The following CCDC7 variants were observed in gnomAD, a reference collection of about 807,000 sequenced individuals.
The protein encoded by CCDC7 is coiled-coil domain-containing protein 7.
CCDC7 carries 183 observed loss-of-function variants against 196.9 expected under a neutral mutation model. The ratio of observed to expected loss-of-function variants is 0.93; its 90% CI spans 0.82 to 1.05. The LOEUF (loss-of-function observed/expected upper bound fraction) is 1.05, where lower values mean the gene tolerates loss of function less well. CCDC7 is among the 50% of genes least tolerant of loss of function. The probability of loss-of-function intolerance (pLI) is 0.00; values close to 1 mark genes in which losing one functional copy is unlikely to be tolerated. For synonymous variants in CCDC7, 525 were observed against 484.6 expected (o/e 1.08, Z -1.10); for missense variants, 1,540 against 1,482.2 (o/e 1.04, Z -0.64).
chr10:32,716,657 C>T (rs2081626462), intron 25 of CCDC7, among the ~76,000 whole-genome samples: 1 of 152,150 alleles, frequency 6.6e-6, no homozygotes. Context: ...AGATCCAATT[C>T]ATATGCAGAG....
intron 20 of CCDC7, among the ~76,000 whole-genome samples, chr10:32,651,001 TG>T (rs971961220): frequency 2.0e-5 from 3 of 152,086 alleles, no homozygotes; most frequent in African/African-American, 7.2e-5. Context: ...TTCTCCTTGG[TG>T]GGTTCAGAGC....
At chr10:32,665,521 G>T (rs989243884) in intron 21 of CCDC7, among the ~76,000 whole-genome samples, 1 of 151,902 alleles carries the variant, frequency 6.6e-6, no homozygotes, top group African/African-American at 2.4e-5. Flanking sequence ...TTATTCTTCT[G>T]CATGTGGATA....
chr10:32,859,782 C>T (rs957800599), intron 41 of CCDC7, among the ~76,000 whole-genome samples: 16 of 152,188 alleles, frequency 1.1e-4, no homozygotes, highest in East Asian at 1.9e-4. Flanking sequence ...ATACTATAAA[C>T]GCCTCTACGC....
chr10:32,663,136 C>T (rs1013540423), intron 20 of CCDC7, among the ~76,000 whole-genome samples: 1 of 152,156 alleles, frequency 6.6e-6, no homozygotes, highest in African/African-American at 2.4e-5. Context: ...TGCAGTGACA[C>T]ACCTCATAAG....
rs561525906 is a variant in CCDC7, at chr10:32,589,878, A to AT, written c.1801+5581dup. Reference sequence around the variant, plus strand: ...GATATAAGTGTTGCTACTCCTGCTGATTTTTTTGGTTTCCATTTGCATGGA... The same window carrying AT: ...GATATAAGTGTTGCTACTCCTGCTGATTTTTTTTGGTTTCCATTTGCATGGA... On this transcript the variant is annotated intron_variant, in intron 18 of 41. Transcript: ENST00000639629. 8.6e-5 allele frequency among the ~76,000 whole-genome samples: 13 copies of AT among 151,720 alleles called. No homozygotes were observed. In the East Asian group the frequency reaches 2.3e-3, roughly 27 times the overall value.
Position 32,751,177 on chromosome 10 carries a change from C to T in CCDC7, c.2905+21720C>T, listed in dbSNP as rs12253700. The stretch of plus-strand genomic sequence containing the variant: ...CCTTTATTGTTATGAAAGCTGATAC[C>T]TTAGTGGTTTTGTTAAATTTCTGCA... On this transcript the variant is annotated intron_variant, in intron 28 of 41. Coordinates refer to ENST00000639629, the Ensembl canonical transcript of CCDC7. Among the ~76,000 whole-genome samples, 450 of 151,670 alleles carry T rather than the reference C, an allele frequency of 3.0e-3. 1 individual carries two copies. The highest frequency in any genetic ancestry group is 0.01 in the African/African-American group (422 of 41,340).
intron 20 of CCDC7, among the ~76,000 whole-genome samples, chr10:32,654,023 C>G (rs10827091): frequency 0.14 from 21,071 of 152,040 alleles, 1,766 homozygotes; most frequent in East Asian, 0.25. Flanking sequence ...ATTCCTTTTT[C>G]TTTATGTTTC....
At chr10:32,528,336 G>A (rs1369514676) in intron 11 of CCDC7, among the ~76,000 whole-genome samples, 2 of 151,704 alleles carry the variant, frequency 1.3e-5, no homozygotes, top group Admixed American at 6.6e-5. Flanking sequence ...GGTGATTTCT[G>A]AGATTTTGGC....
intron 29 of CCDC7, among the ~76,000 whole-genome samples, chr10:32,782,218 G>GTTTTTTTTT (rs1267525298): frequency 1.0e-5 from 1 of 96,262 alleles, no homozygotes. Flanking sequence ...AAGATAACTT[G>GTTTTTTTTT]TTTTTTTTTT....
chr10:32,450,799 G>T (rs1371424457), upstream of CCDC7, among the ~76,000 whole-genome samples: 1 of 152,166 alleles, frequency 6.6e-6, no homozygotes, highest in Non-Finnish European at 1.5e-5. Context: ...ATGGGGGAAA[G>T]ATAGGAAGAA....
intron 21 of CCDC7, 96 bp downstream of exon 22, chr10:32,664,257 G>A (rs569476138): frequency 5.4e-6 from 2 of 371,798 alleles, no homozygotes; most frequent in South Asian, 2.9e-4. Flanking sequence ...ACTACATAGT[G>A]TTTTAATATA....
intron 18 of CCDC7, among the ~76,000 whole-genome samples, chr10:32,597,351 G>T (rs2060495358): frequency 6.6e-6 from 1 of 152,148 alleles, no homozygotes; most frequent in Admixed American, 6.5e-5. Flanking sequence ...CAGTTCTCGT[G>T]CCATGGTTTT....
At chr10:32,681,749 ACACAC>A in intron 21 of CCDC7, among the ~76,000 whole-genome samples, 1 of 146,558 alleles carries the variant, frequency 6.8e-6, no homozygotes, top group Non-Finnish European at 1.5e-5. Context: ...ACACACACAC[ACACAC>A]ACACACACAC....
chr10:32,780,287 A>G lies in CCDC7; in HGVS notation c.3013+1203A>G, dbSNP rs539597956. On this transcript the variant is annotated intron_variant, in intron 29 of 41. Transcript: ENST00000639629. ...AGGTTAAAATGAAGGAATGCTAGAC[A>G]GTAACTTCAACCATATGAGGAAATA... Among the ~76,000 whole-genome samples the G allele has an allele frequency of 8.6e-4, 131 of 152,340 alleles. No individual in the cohort carries two copies. In the Middle Eastern group the frequency reaches 0.01, roughly 12 times the overall value.
At chr10:32,662,304 T>G (rs1195814008) in intron 20 of CCDC7, among the ~76,000 whole-genome samples, 2 of 152,206 alleles carry the variant, frequency 1.3e-5, no homozygotes, top group Non-Finnish European at 2.9e-5. Context: ...AATATGAAGT[T>G]AAAACCAGAT....
chr10:32,664,690 G>A (rs549910642), intron 21 of CCDC7, among the ~76,000 whole-genome samples: 2 of 151,900 alleles, frequency 1.3e-5, no homozygotes, highest in African/African-American at 4.8e-5. Context: ...TTTTTTAAGG[G>A]TGATTTTCGT....
intron 11 of CCDC7, among the ~76,000 whole-genome samples, chr10:32,535,716 T>A (rs961311585): frequency 2.0e-5 from 3 of 152,132 alleles, no homozygotes; most frequent in African/African-American, 7.2e-5. Flanking sequence ...TTTAGACCTT[T>A]AAGAGGTGCT....
intron 28 of CCDC7, among the ~76,000 whole-genome samples, chr10:32,746,423 T>G (rs2074743207): frequency 6.6e-6 from 1 of 152,112 alleles, no homozygotes; most frequent in Non-Finnish European, 1.5e-5. Context: ...GTCTAGGCTG[T>G]GTGGATTCCA....
In CCDC7 at chr10:32,726,851, G is replaced by C; in HGVS notation, c.2668+19G>C. 2 of 1,403,414 alleles carry C rather than the reference G, an allele frequency of 1.4e-6. No individual in the cohort carries two copies. Among genetic ancestry groups the C allele is most frequent in the Non-Finnish European group, 2.0e-6 (2 of 1,014,708 alleles). 86.9% of individuals were successfully genotyped at this position (1,403,414 alleles called of 1,614,324 possible). A position where few individuals can be genotyped will look rare whatever the true frequency, so the allele number is the denominator to read the frequency against. On this transcript the variant is annotated intron_variant, in intron 26 of 41. Coordinates refer to ENST00000639629, the Ensembl canonical transcript of CCDC7. ...CGTAATAGTAAGTGTAGTAATTATAGATGACTTTAAATTATTTTAAAATTA... is the reference window on the plus strand; with the variant it reads ...CGTAATAGTAAGTGTAGTAATTATACATGACTTTAAATTATTTTAAAATTA...
Sources: gnomAD v4.1 joint callset for allele counts (sites outside exome capture counted in the v4.1 genomes callset) on GRCh38, gnomAD v4.1.1 for gene constraint, MANE v1.5 for transcripts, NCBI Gene and HGNC (gene_info 2026-07-23, HGNC 2026-07-21) for gene names.